Variants in NADK observed in about 807,000 individuals in gnomAD.
NADK encodes the protein NAD kinase.
A neutral mutation model predicts 49.8 loss-of-function variants in NADK; 22 were observed. That is an observed-to-expected ratio of 0.44 (90% CI 0.32 to 0.63). NADK has a LOEUF of 0.63. Ranked by LOEUF, NADK falls within the 30% of genes least tolerant of loss-of-function variation. NADK has a pLI of 0.06. For missense variants in NADK, 438 were observed against 609.4 expected (o/e 0.72, Z 2.96); for synonymous variants, 268 against 253.7 (o/e 1.06, Z -0.54).
intron 4 of NADK, 55 bp from the exon 5 acceptor site, chr1:1,756,663 G>C (rs745934067): frequency 3.5e-5 from 56 of 1,611,518 alleles, no homozygotes; most frequent in Non-Finnish European, 4.7e-5. Context: ...CCCTCCTGCA[G>C]GGAGGTTCCC....
At position 1,754,154 on chromosome 1, in the gene NADK, G is replaced by C; in HGVS notation, c.998C>G (p.Ala333Gly). 1 of 1,612,160 alleles carries C rather than the reference G, an allele frequency of 6.2e-7. No homozygotes were observed. Among genetic ancestry groups the C allele is most frequent in the Non-Finnish European group, 8.5e-7 (1 of 1,179,618 alleles). ...CGGCACGTTGGGGTGGATCATGGAGGCCCCGGCCGCGGCCGCATACGCCGT... is the reference window on the plus strand; with the variant it reads ...CGGCACGTTGGGGTGGATCATGGAGCCCCCGGCCGCGGCCGCATACGCCGT... ...GSTAYAAAAG[A>G]SMIHPNVPAI... Residue 333 changes from alanine (A) to glycine (G), a missense_variant, in exon 10 of 12, where the codon GCC (alanine) becomes GGC (glycine). Physicochemically the swap from Ala to Gly is moderately conservative, Grantham distance 60. Transcript: ENST00000341426. The surrounding 1 kb of genome is among the most constrained non-coding windows in gnomAD (Gnocchi z 4.3).
intron 1 of NADK, among the ~76,000 whole-genome samples, chr1:1,767,677 ATTTT>A (rs1469939096): frequency 6.6e-6 from 1 of 152,098 alleles, no homozygotes; most frequent in African/African-American, 2.4e-5. Context: ...CCCCAAATTT[ATTTT>A]TTATTTTTAT....
rs115615710 is a variant in NADK, at chr1:1,753,178, C to T, written c.1185-118G>A. 2,191 of 1,288,894 alleles carry T rather than the reference C, an allele frequency of 1.7e-3. 39 individuals carry two copies. In the African/African-American group the frequency reaches 0.03, roughly 18 times the overall value. The allele number at this position is 1,288,894 out of a possible 1,614,324, so 79.8% of individuals were successfully genotyped here. A position where few individuals can be genotyped will look rare whatever the true frequency, so the allele number is the denominator to read the frequency against. On this transcript the variant is annotated intron_variant, in intron 11 of 11. Coordinates refer to ENST00000341426, the MANE Select transcript of NADK (RefSeq NM_023018.5). ...GGGACTCTTTTCCTGTGGGGCCGGG[C>T]AGCCCCTCCCCGAGGCAGGCTTGAG...
rs746308888 is a variant in NADK at position 1,776,081 on chromosome 1, C to G, written c.-41+2208G>C. Among the ~76,000 whole-genome samples the G allele has an allele frequency of 3.9e-5, 6 of 152,316 alleles. No individual in the cohort carries two copies. In the East Asian group the frequency reaches 1.2e-3, roughly 29 times the overall value. ...GCTCAACACTCCCTCTTGCTGTCAT[C>G]CTACCACACCTGCAGACTGGAGGTA... is the stretch of plus-strand genomic sequence containing the variant. On this transcript the variant is annotated intron_variant, in intron 1 of 11. Coordinates refer to ENST00000341426, the MANE Select transcript of NADK (RefSeq NM_023018.5).
intron 1 of NADK, among the ~76,000 whole-genome samples, chr1:1,776,582 T>C (rs1646216568): frequency 1.3e-5 from 2 of 151,990 alleles, no homozygotes; most frequent in Admixed American, 1.3e-4. Flanking sequence ...GAGACAAGCC[T>C]GGCCAACACA....
chr1:1,769,072 T>C (rs1202768763), intron 1 of NADK, among the ~76,000 whole-genome samples: 1 of 152,222 alleles, frequency 6.6e-6, no homozygotes, highest in African/African-American at 2.4e-5. Context: ...AAGATTCTAA[T>C]GTTTAGCGAG....
Position 1,754,960 on chromosome 1 carries a change from T to C in NADK, c.689-262A>G, listed in dbSNP as rs539912449. On this transcript the variant is annotated intron_variant, in intron 7 of 11. Coordinates refer to ENST00000341426, the MANE Select transcript of NADK (RefSeq NM_023018.5). The surrounding 1 kb of genome is among the most constrained non-coding windows in gnomAD (Gnocchi z 4.3). The stretch of plus-strand genomic sequence containing the variant: ...CCTCAGCCTCCCAAGTAGCTGGAAC[T>C]ACGGGTGCGCACCACCACGCCCAGC... 1.1e-5 allele frequency: 5 copies of C among 463,836 alleles called. No individual in the cohort carries two copies. In the South Asian group the frequency reaches 1.3e-4, roughly 12 times the overall value. The allele number at this position is 463,836 out of a possible 1,614,324, so 28.7% of individuals were successfully genotyped here. A position where few individuals can be genotyped will look rare whatever the true frequency, so the allele number is the denominator to read the frequency against.
In NADK at chr1:1,754,112, G is replaced by A. The variant is rs747952693; in HGVS notation, c.1040C>T (p.Pro347Leu). The A allele has an allele frequency of 1.2e-6, 2 of 1,610,010 alleles. No homozygotes were observed. Among genetic ancestry groups the A allele is most frequent in the South Asian group, 1.1e-5 (1 of 90,976 alleles). Residue 347 changes from proline to leucine, a missense_variant, in exon 10 of 12, where the codon CCC (proline) becomes CTC (leucine). By Grantham distance (98) the Pro-to-Leu change is moderately conservative. Coordinates refer to ENST00000341426, the MANE Select transcript of NADK (RefSeq NM_023018.5). The surrounding 1 kb of genome is among the most constrained non-coding windows in gnomAD (Gnocchi z 4.3). Reference protein sequence around the residue: ...HPNVPAIMITPICPHSLSFRP... With the variant: ...HPNVPAIMITLICPHSLSFRP... ...GAAGGACAGCGAGTGGGGGCAGATGGGCGTGATCATGATGGCCGGCACGTT... is the reference window on the plus strand; with the variant it reads ...GAAGGACAGCGAGTGGGGGCAGATGAGCGTGATCATGATGGCCGGCACGTT...
intron 1 of NADK, among the ~76,000 whole-genome samples, chr1:1,770,453 C>T (rs1488652283): frequency 6.6e-6 from 1 of 152,280 alleles, no homozygotes; most frequent in Middle Eastern, 3.4e-3. Flanking sequence ...AGTTTATTAG[C>T]AAGGTTTCAG....
At chr1:1,767,088 T>C (rs1448447135) in intron 1 of NADK, among the ~76,000 whole-genome samples, 1 of 152,022 alleles carries the variant, frequency 6.6e-6, no homozygotes, top group Non-Finnish European at 1.5e-5. Context: ...CTAATTTTTT[T>C]GAATTTTTAG....
rs893639854 is a variant in NADK, at chr1:1,759,773, G to T, written c.263+2179C>A. 3 of 1,556,928 alleles carry T rather than the reference G, an allele frequency of 1.9e-6. No individual in the cohort carries two copies. In the African/African-American group the frequency reaches 4.1e-5, roughly 21 times the overall value. On this transcript the variant is annotated intron_variant, in intron 3 of 11. Transcript: ENST00000341426. ...GGGCTGTCTGGCCTCGGGCAGCTCG[G>T]GGACCACTGAGTACGCCCTGGTCTG...
Position 1,762,030 on chromosome 1 carries a change from GTCC to G in NADK, c.182_184del (p.Arg61del), listed in dbSNP as rs758226687. Reference sequence around the variant, plus strand: ...CGGGCATGGCCCATGAAGAGAGCGTGTCCTCCTGTGGGGAGAGGGCAGTGTCAG... The same window carrying G: ...CGGGCATGGCCCATGAAGAGAGCGTGTCCTGTGGGGAGAGGGCAGTGTCAG... On this transcript the variant is annotated inframe_deletion and splice_region_variant, in exon 3 of 12. Transcript: ENST00000341426. 7 of 1,613,860 alleles carry G rather than the reference GTCC, an allele frequency of 4.3e-6. No homozygotes were observed. The African/African-American group carries it at 9.3e-5, about 22-fold the overall frequency.
chr1:1,753,975 G>A, intron 10 of NADK, 76 bp downstream of exon 10: 9 of 1,491,192 alleles, frequency 6.0e-6, no homozygotes, highest in Non-Finnish European at 8.1e-6. Flanking sequence ...GGCAGAGCGG[G>A]GTGCTAGGTC....
chr1:1,762,119 G>A (rs745747757), intron 2 of NADK, 84 bp from the exon 3 acceptor site: 28 of 1,168,438 alleles, frequency 2.4e-5, no homozygotes, highest in African/African-American at 6.1e-5. Flanking sequence ...GAGGTTACAC[G>A]GTAAGGCATA....
At chr1:1,768,171 CA>C (rs1186857370) in intron 1 of NADK, among the ~76,000 whole-genome samples, 31,699 of 95,448 alleles carry the variant, frequency 0.33, 3,510 homozygotes, top group Non-Finnish European at 0.36. Context: ...AACTCCGTCT[CA>C]AAAAAAAAAA....
Position 1,753,033 on chromosome 1 carries a change from C to T in NADK, c.1212G>A (p.Pro404=), listed in dbSNP as rs7407. Residue 404 remains proline, a synonymous_variant, in exon 12 of 12, where the codon CCG becomes CCA. Coordinates refer to ENST00000341426, the MANE Select transcript of NADK (RefSeq NM_023018.5). ...GGTCCCGCACACAGATGGAGGGGAGCGGGTAGCATGAGGTAGTGATGCTGA... is the reference window on the plus strand; with the variant it reads ...GGTCCCGCACACAGATGGAGGGGAGTGGGTAGCATGAGGTAGTGATGCTGA... ...DSISITTSCY[P]LPSICVRDPV... 0.48 allele frequency: 774,030 copies of T among 1,608,574 alleles called. 194,080 individuals are homozygous for T. The highest frequency in any genetic ancestry group is 0.58 in the Admixed American group (34,019 of 58,990).
chr1:1,755,485 C>G lies in NADK; in HGVS notation c.586-9G>C. On this transcript the variant is annotated splice_polypyrimidine_tract_variant and intron_variant, in intron 6 of 11. Transcript: ENST00000341426. Reference sequence around the variant, plus strand: ...ACCGGAGGGACGCTGCCCTGTGAGCCGACGGAGAGGTCACTCAGTGCCCAC... The same window carrying G: ...ACCGGAGGGACGCTGCCCTGTGAGCGGACGGAGAGGTCACTCAGTGCCCAC... 6.2e-7 allele frequency: 1 copy of G among 1,610,944 alleles called. No individual in the cohort carries two copies. The highest frequency in any genetic ancestry group is 2.2e-5 in the East Asian group (1 of 44,856).
At chr1:1,764,545 C>T (rs1482722375) in intron 2 of NADK, among the ~76,000 whole-genome samples, 2 of 152,174 alleles carry the variant, frequency 1.3e-5, no homozygotes, top group Non-Finnish European at 2.9e-5. Flanking sequence ...CCCCAGCCTT[C>T]GCCTCTCAAA....
intron 1 of NADK, among the ~76,000 whole-genome samples, chr1:1,769,111 T>C (rs1396510429): frequency 6.6e-6 from 1 of 152,194 alleles, no homozygotes; most frequent in Non-Finnish European, 1.5e-5. Context: ...AGTGGGTCAA[T>C]ATCTCCCTAG....
Sources: allele counts gnomAD v4.1 joint callset (sites outside exome capture counted in the v4.1 genomes callset), GRCh38; gene constraint gnomAD v4.1.1; non-coding constraint Gnocchi (gnomAD v3.1); transcripts MANE v1.5; gene names NCBI Gene and HGNC (gene_info 2026-07-23, HGNC 2026-07-21).